Variants in FOXJ3 observed in about 807,000 individuals in gnomAD.
The protein encoded by FOXJ3 is forkhead box J3.
In FOXJ3, 22 loss-of-function variants were observed where a neutral mutation model predicts 76.1. The ratio of observed to expected loss-of-function variants is 0.29; its 90% CI spans 0.21 to 0.41. FOXJ3 has a LOEUF of 0.41. Ranked by LOEUF, FOXJ3 falls within the 10% of genes least tolerant of loss-of-function variation. FOXJ3 has a pLI of 1.00. For synonymous variants in FOXJ3, 269 were observed against 261.2 expected, an observed-to-expected ratio of 1.03 and a Z score of -0.29; for missense variants, 613 against 762.1, an observed-to-expected ratio of 0.80 and a Z score of 2.30.
chr1:42,210,248 C>T (rs1646940763), intron 5 of FOXJ3, among the ~76,000 whole-genome samples: 1 of 152,188 alleles, frequency 6.6e-6, no homozygotes, highest in Non-Finnish European at 1.5e-5. Flanking sequence ...ACTGCTTGCA[C>T]CCACATGTGA....
At chr1:42,320,735 TCTA>T (rs1408762410) in intron 1 of FOXJ3, among the ~76,000 whole-genome samples, 4 of 152,192 alleles carry the variant, frequency 2.6e-5, no homozygotes, top group Admixed American at 2.0e-4. Context: ...CAAAAGCTAA[TCTA>T]CTGCAAAAAT....
intron 4 of FOXJ3, among the ~76,000 whole-genome samples, chr1:42,264,118 A>G (rs1023293679): frequency 5.3e-5 from 8 of 152,036 alleles, no homozygotes; most frequent in Non-Finnish European, 1.2e-4. Flanking sequence ...TGGGGAAACA[A>G]AAAAGCCTCA....
At chr1:42,267,673 T>C (rs1043691490) in intron 3 of FOXJ3, among the ~76,000 whole-genome samples, 1 of 150,356 alleles carries the variant, frequency 6.7e-6, no homozygotes, top group African/African-American at 2.4e-5. Flanking sequence ...AAAAAAAAAA[T>C]TAAAATAACC....
At chr1:42,222,121 G>A (rs1426401089) in intron 5 of FOXJ3, among the ~76,000 whole-genome samples, 1 of 146,020 alleles carries the variant, frequency 6.8e-6, no homozygotes, top group Non-Finnish European at 1.5e-5. Context: ...ATAAAAAGTT[G>A]AAAAATAAGG....
chr1:42,321,244 G>A (rs908772899), intron 1 of FOXJ3, among the ~76,000 whole-genome samples: 7 of 152,196 alleles, frequency 4.6e-5, no homozygotes, highest in African/African-American at 1.4e-4. Context: ...GGAACTACTG[G>A]TTTAGGACAA....
At chr1:42,214,269 T>A (rs1037822053) in intron 5 of FOXJ3, among the ~76,000 whole-genome samples, 10 of 152,192 alleles carry the variant, frequency 6.6e-5, no homozygotes, top group Admixed American at 6.5e-4. Context: ...ATTCACTCAA[T>A]AGCATGGTAC....
At chr1:42,263,270 T>C (rs894975473) in intron 4 of FOXJ3, among the ~76,000 whole-genome samples, 3 of 152,258 alleles carry the variant, frequency 2.0e-5, no homozygotes, top group African/African-American at 7.2e-5. Flanking sequence ...CATGATAGAA[T>C]TAAGCATTCA....
chr1:42,311,754 T>C (rs559958265), intron 1 of FOXJ3, among the ~76,000 whole-genome samples: 27 of 152,254 alleles, frequency 1.8e-4, no homozygotes, highest in Admixed American at 3.9e-4. Context: ...TGTGGCACTA[T>C]AGACACCTTA....
chr1:42,199,442 G>C (rs188630620), intron 6 of FOXJ3, among the ~76,000 whole-genome samples: 1 of 152,180 alleles, frequency 6.6e-6, no homozygotes, highest in Non-Finnish European at 1.5e-5. Context: ...ATGTCTTTCA[G>C]AGGTATAGAA....
At chr1:42,328,767 A>C (rs1274536599) in intron 1 of FOXJ3, among the ~76,000 whole-genome samples, 1 of 150,612 alleles carries the variant, frequency 6.6e-6, no homozygotes, top group African/African-American at 2.5e-5. Context: ...CCCAGGTTCA[A>C]GCGATTCTCC....
At chr1:42,276,976 G>A (rs10158356) in intron 3 of FOXJ3, among the ~76,000 whole-genome samples, 107,148 of 152,022 alleles carry the variant, frequency 0.7, 38,378 homozygotes, top group Admixed American at 0.8. Flanking sequence ...CTCTCAACGC[G>A]CTGAGATTAC....
chr1:42,269,740 C>T (rs1195204394), intron 3 of FOXJ3, among the ~76,000 whole-genome samples: 1 of 152,130 alleles, frequency 6.6e-6, no homozygotes, highest in Non-Finnish European at 1.5e-5. Flanking sequence ...ACCTAAAAAA[C>T]ATCCTTAACT....
Position 42,222,049 on chromosome 1 carries a change from A to AAGG in FOXJ3, c.528+5833_528+5834insCCT, listed in dbSNP as rs773340497. Among the ~76,000 whole-genome samples the AAGG allele has an allele frequency of 3.6e-3, 223 of 61,290 alleles. 7 individuals carry two copies. The highest frequency in any genetic ancestry group is 5.0e-3 in the Non-Finnish European group (160 of 31,948). 40.2% of individuals were successfully genotyped at this position (61,290 alleles called of 152,430 possible). A position where few individuals can be genotyped will look rare whatever the true frequency, so the allele number is the denominator to read the frequency against. On this transcript the variant is annotated intron_variant, in intron 5 of 12. Coordinates refer to ENST00000361346, the MANE Select transcript of FOXJ3 (RefSeq NM_014947.5). ...GGAGGGGGAGGAGAAGGAGAAGGAG[A>AAGG]AGAAGAAGAAGAAGAAGAAGAAGAA...
intron 1 of FOXJ3, among the ~76,000 whole-genome samples, chr1:42,311,889 C>A (rs1414347003): frequency 6.6e-6 from 1 of 152,110 alleles, no homozygotes; most frequent in Non-Finnish European, 1.5e-5. Context: ...AATAAATCAA[C>A]AAATGTAAAA....
At chr1:42,245,045 T>C (rs1035489940) in intron 4 of FOXJ3, among the ~76,000 whole-genome samples, 2 of 151,798 alleles carry the variant, frequency 1.3e-5, no homozygotes, top group African/African-American at 4.8e-5. Context: ...CTGGGCATGG[T>C]GGCGTGCGCC....
intron 3 of FOXJ3, among the ~76,000 whole-genome samples, chr1:42,273,674 C>CAAAAA (rs35528514): frequency 1.5e-4 from 13 of 86,284 alleles, no homozygotes; most frequent in Admixed American, 2.9e-4. Flanking sequence ...CACTCCATCT[C>CAAAAA]AAAAAAAAAA....
At chr1:42,224,665 A>G (rs1469316787) in intron 5 of FOXJ3, among the ~76,000 whole-genome samples, 2 of 152,062 alleles carry the variant, frequency 1.3e-5, no homozygotes, top group Non-Finnish European at 2.9e-5. Flanking sequence ...AAGAAAAAAT[A>G]AATAAATAAA....
chr1:42,329,566 G>A (rs934951831), intron 1 of FOXJ3, among the ~76,000 whole-genome samples: 3 of 152,214 alleles, frequency 2.0e-5, no homozygotes, highest in African/African-American at 7.2e-5. Flanking sequence ...AGGCTGAGGA[G>A]AGAGGTAAAA....
chr1:42,290,631 T>C (rs1188628419), intron 2 of FOXJ3, among the ~76,000 whole-genome samples: 3 of 152,310 alleles, frequency 2.0e-5, no homozygotes, highest in South Asian at 4.1e-4. Flanking sequence ...ACATTTTTTG[T>C]TTCTATTTTT....
Sources: allele counts gnomAD v4.1 joint callset (sites outside exome capture counted in the v4.1 genomes callset), GRCh38; gene constraint gnomAD v4.1.1; transcripts MANE v1.5; gene names NCBI Gene and HGNC (gene_info 2026-07-23, HGNC 2026-07-21).